ADAM10: variants seen among roughly 807,000 people sequenced by gnomAD.
ADAM10 encodes disintegrin and metalloproteinase domain-containing protein 10.
In ADAM10, 17 loss-of-function variants were observed where a neutral mutation model predicts 90.1. The ratio of observed to expected loss-of-function variants is 0.19; its 90% confidence interval spans 0.13 to 0.28. ADAM10 has a LOEUF of 0.28. Ranked by LOEUF, ADAM10 falls within the 10% of genes least tolerant of loss-of-function variation. The pLI, the probability that ADAM10 is intolerant of heterozygous loss-of-function variation, is 1.00. For missense variants in ADAM10, 610 were observed against 914.3 expected (o/e 0.67, Z 4.29); for synonymous variants, 310 against 298.6 (o/e 1.04, Z -0.40).
At position 58,595,388 on chromosome 15, in the gene ADAM10, T is replaced by C. The variant is rs1894924538; in HGVS notation, c.*2159A>G. The stretch of plus-strand genomic sequence containing the variant: ...CTCAGAGTTCAAAGAGTATAGAACC[T>C]TCAAGTTGATTTAATCGTCTATTTA... On this transcript the variant is annotated 3_prime_UTR_variant, in exon 16 of 16. Coordinates refer to ENST00000260408, the MANE Select transcript of ADAM10 (RefSeq NM_001110.4). 1 of 152,180 alleles carries C rather than the reference T, an allele frequency of 6.6e-6. No individual in the cohort carries two copies. Among genetic ancestry groups the C allele is most frequent in the Non-Finnish European group, 1.5e-5 (1 of 67,984 alleles). The allele number at this position is 152,180 out of a possible 1,614,324, so 9.4% of individuals were successfully genotyped here. A position where few individuals can be genotyped will look rare whatever the true frequency, so the allele number is the denominator to read the frequency against.
chr15:58,613,524 C>T (rs1253073732), intron 11 of ADAM10, among the ~76,000 whole-genome samples: 29 of 151,568 alleles, frequency 1.9e-4, no homozygotes, highest in Admixed American at 1.9e-3. Flanking sequence ...GGAAAAGACA[C>T]AAGAAAATAT....
At chr15:58,619,006 C>T (rs1194806522) in intron 11 of ADAM10, among the ~76,000 whole-genome samples, 1 of 151,610 alleles carries the variant, frequency 6.6e-6, no homozygotes, top group South Asian at 2.1e-4. Context: ...GGGTATACAT[C>T]CAAAGAAAAG....
chr15:58,693,746 G>A (rs1254476290), intron 2 of ADAM10, among the ~76,000 whole-genome samples: 4 of 137,810 alleles, frequency 2.9e-5, no homozygotes, highest in Non-Finnish European at 6.0e-5. Context: ...CAAAACTTCC[G>A]CTGAGAAATA....
At chr15:58,632,211 A>G (rs1286390714) in intron 9 of ADAM10, among the ~76,000 whole-genome samples, 2 of 152,228 alleles carry the variant, frequency 1.3e-5, no homozygotes, top group African/African-American at 4.8e-5. Context: ...CACTTAAAAG[A>G]TCAATATAAT....
At chr15:58,674,689 C>G (rs1193060099) in intron 4 of ADAM10, among the ~76,000 whole-genome samples, 1 of 152,156 alleles carries the variant, frequency 6.6e-6, no homozygotes, top group South Asian at 2.1e-4. Flanking sequence ...GTTTTAGATG[C>G]AACATCCTGA....
chr15:58,691,666 ACTT>A (rs754125219), intron 2 of ADAM10: 11 of 289,108 alleles, frequency 3.8e-5, no homozygotes, highest in East Asian at 3.1e-4. Flanking sequence ...AGCTCAAGCC[ACTT>A]CTTCTTCTTT....
At chr15:58,693,227 A>T in intron 2 of ADAM10, 2 of 623,862 alleles carry the variant, frequency 3.2e-6, no homozygotes, top group Non-Finnish European at 6.0e-6. Context: ...CAAGTACTAG[A>T]GAGCAAGGTG....
intron 1 of ADAM10, chr15:58,748,413 A>T (rs1899859779): frequency 1.3e-5 from 2 of 152,330 alleles, no homozygotes; most frequent in South Asian, 2.1e-4. Context: ...TTTTAAGTTT[A>T]CTCTGGGGCA....
At chr15:58,685,302 A>C (rs1243572909) in intron 2 of ADAM10, among the ~76,000 whole-genome samples, 2 of 151,104 alleles carry the variant, frequency 1.3e-5, no homozygotes, top group African/African-American at 4.8e-5. Context: ...TCTACTAAAA[A>C]TACAAAAAAT....
intron 5 of ADAM10, among the ~76,000 whole-genome samples, chr15:58,647,680 C>T (rs1275605605): frequency 6.6e-6 from 1 of 152,050 alleles, no homozygotes; most frequent in East Asian, 1.9e-4. Context: ...TCCCAAGTAG[C>T]TGGGGGACTA....
chr15:58,628,893 T>C (rs745727203), intron 9 of ADAM10, among the ~76,000 whole-genome samples: 1 of 152,228 alleles, frequency 6.6e-6, no homozygotes, highest in Non-Finnish European at 1.5e-5. Flanking sequence ...AGGCAACTGT[T>C]AAATTAAAAA....
chr15:58,628,007 T>C (rs1395518898), intron 9 of ADAM10, 124 bp from the exon 10 acceptor site: 1 of 971,084 alleles, frequency 1.0e-6, no homozygotes, highest in African/African-American at 1.6e-5. Context: ...TTAAAAAGGA[T>C]CTTACAATTG....
chr15:58,647,641 T>C (rs1031921834), intron 5 of ADAM10, among the ~76,000 whole-genome samples: 4 of 152,110 alleles, frequency 2.6e-5, no homozygotes, highest in Non-Finnish European at 5.9e-5. Flanking sequence ...CTTAAACTCC[T>C]GGGCTCAAAC....
chr15:58,615,505 T>C (rs532540904), intron 11 of ADAM10, among the ~76,000 whole-genome samples: 9 of 152,100 alleles, frequency 5.9e-5, no homozygotes, highest in Non-Finnish European at 1.3e-4. Context: ...TAGGTTGGTC[T>C]TGCACTCCTG....
chr15:58,619,180 T>A (rs936614489), intron 11 of ADAM10, among the ~76,000 whole-genome samples: 36 of 152,128 alleles, frequency 2.4e-4, no homozygotes, highest in Admixed American at 2.6e-4. Context: ...TCATGTGCAA[T>A]AACATGAACG....
At chr15:58,730,056 G>A (rs764739955) in intron 1 of ADAM10, among the ~76,000 whole-genome samples, 1 of 148,942 alleles carries the variant, frequency 6.7e-6, no homozygotes, top group African/African-American at 2.5e-5. Context: ...GAAATCGTAA[G>A]CATAATGCAA....
rs1257761571 is a variant in ADAM10 at position 58,746,157 on chromosome 15, C to T, written c.55+3323G>A. ...ATTCACCACTAAGTGGTGGATGATG[C>T]TAGAAAAATTATATTTCCAAGTCTG... On this transcript the variant is annotated intron_variant, in intron 1 of 15. Coordinates refer to ENST00000260408, the MANE Select transcript of ADAM10 (RefSeq NM_001110.4). 2.5e-4 allele frequency among the ~76,000 whole-genome samples: 38 copies of T among 152,126 alleles called. 2 individuals carry two copies. Among genetic ancestry groups the T allele is most frequent in the Admixed American group, 2.4e-3 (37 of 15,268 alleles).
At chr15:58,605,224 G>C (rs1385703705) in intron 14 of ADAM10, among the ~76,000 whole-genome samples, 2 of 152,158 alleles carry the variant, frequency 1.3e-5, no homozygotes, top group African/African-American at 4.8e-5. Context: ...AGAACTTCCA[G>C]TTCCTTCTAG....
intron 10 of ADAM10, 55 bp from the exon 11 acceptor site, chr15:58,621,676 T>C: frequency 8.1e-6 from 13 of 1,599,732 alleles, no homozygotes; most frequent in Non-Finnish European, 1.0e-5. Context: ...TAATTTTATT[T>C]AAAATTCACA....
Sources: gnomAD v4.1 joint callset for allele counts (sites outside exome capture counted in the v4.1 genomes callset) on GRCh38, gnomAD v4.1.1 for gene constraint, MANE v1.5 for transcripts, NCBI Gene and HGNC (gene_info 2026-07-23, HGNC 2026-07-21) for gene names.